NF1: variants seen among roughly 807,000 people sequenced by gnomAD.
NF1 encodes neurofibromin 1.
A neutral mutation model predicts 325.7 loss-of-function variants in NF1; 122 were observed. The ratio of observed to expected loss-of-function variants is 0.37; its 90% confidence interval spans 0.32 to 0.44. The LOEUF is 0.44. Ranked by LOEUF, NF1 falls within the 20% of genes least tolerant of loss-of-function variation. NF1 has a pLI of 1.00. For synonymous variants in NF1, 1,091 were observed against 1,186.0 expected (o/e 0.92, Z 1.65); for missense variants, 2,140 against 3,415.4 (o/e 0.63, Z 9.31).
chr17:31,222,075 TA>T (rs1308252208), intron 15 of NF1, 146 bp downstream of exon 15: 4 of 1,294,098 alleles, frequency 3.1e-6, no homozygotes, highest in Non-Finnish European at 3.9e-6. Context: ...GACTTCAAAT[TA>T]TTAGAATTTC....
chr17:31,200,641 A>G lies in NF1; in HGVS notation c.1062+46A>G, dbSNP rs774530106. The G allele has an allele frequency of 5.1e-6, 8 of 1,573,626 alleles. No homozygotes were observed. The African/African-American group carries it at 8.1e-5, about 16-fold the overall frequency. ...CTACTACAAACTTTAAGAAAATTAA[A>G]TGAATTTTCTAGCATAAGTATTATG... On this transcript the variant is annotated intron_variant, in intron 9 of 57. Transcript: ENST00000358273.
At chr17:31,227,360 A>C in intron 19 of NF1, 69 bp downstream of exon 19, 2 of 1,530,684 alleles carry the variant, frequency 1.3e-6, no homozygotes, top group South Asian at 1.1e-5. Context: ...CTTGTTACAT[A>C]TGTGTGATCA....
intron 1 of NF1, among the ~76,000 whole-genome samples, chr17:31,140,882 T>G (rs977173521): frequency 2.6e-5 from 4 of 152,184 alleles, no homozygotes; most frequent in African/African-American, 9.7e-5. Context: ...CTCACTTATA[T>G]GTGGAATGTT....
chr17:31,164,544 C>G (rs1370449933), intron 4 of NF1, among the ~76,000 whole-genome samples: 1 of 152,214 alleles, frequency 6.6e-6, no homozygotes, highest in Non-Finnish European at 1.5e-5. Context: ...AAACAATCCT[C>G]TTTGTTGGTG....
At position 31,342,929 on chromosome 17, in the gene NF1, A is replaced by G. The variant is rs17884566; in HGVS notation, c.7063-80A>G. ...AAAGGATTACTTATCTTGTCATACT[A>G]TTGAACACAAAATTAAGTGAGCCTT... On this transcript the variant is annotated intron_variant, in intron 47 of 57. Coordinates refer to ENST00000358273, the MANE Select transcript of NF1 (RefSeq NM_001042492.3). The G allele has an allele frequency of 1.9e-3, 2,893 of 1,542,838 alleles. 46 individuals carry two copies. The African/African-American group carries it at 0.033, about 17-fold the overall frequency.
chr17:31,194,814 T>C (rs1281992759), intron 8 of NF1, among the ~76,000 whole-genome samples: 1 of 152,176 alleles, frequency 6.6e-6, no homozygotes, highest in Admixed American at 6.5e-5. Context: ...TTCATTTGTG[T>C]GTGTGAGGTA....
At chr17:31,249,265 G>A in intron 30 of NF1, 146 bp downstream of exon 30, 1 of 1,002,084 alleles carries the variant, frequency 1.0e-6, no homozygotes, top group Non-Finnish European at 1.5e-6. Flanking sequence ...AGAATTGTTG[G>A]AATTGTCTTT....
At chr17:31,263,915 A>G (rs2067738761) in intron 35 of NF1, among the ~76,000 whole-genome samples, 1 of 152,162 alleles carries the variant, frequency 6.6e-6, no homozygotes, top group African/African-American at 2.4e-5. Flanking sequence ...CGTTTGGTGA[A>G]TAGTCTCCCA....
At chr17:31,212,271 G>A (rs530311545) in intron 12 of NF1, among the ~76,000 whole-genome samples, 9 of 152,174 alleles carry the variant, frequency 5.9e-5, no homozygotes, top group Non-Finnish European at 1.3e-4. Context: ...GCTCCCATTG[G>A]AAGGTTTTTA....
At chr17:31,245,242 T>G (rs1283393454) in intron 29 of NF1, among the ~76,000 whole-genome samples, 1 of 152,240 alleles carries the variant, frequency 6.6e-6, no homozygotes, top group Non-Finnish European at 1.5e-5. Flanking sequence ...ATCTTAAGAT[T>G]TGGATTACTG....
At chr17:31,266,181 A>C (rs1567865473) in intron 36 of NF1, among the ~76,000 whole-genome samples, 5 of 152,200 alleles carry the variant, frequency 3.3e-5, no homozygotes, top group Non-Finnish European at 7.3e-5. Flanking sequence ...TCCTGAATTT[A>C]ACAGTATTTA....
intron 8 of NF1, among the ~76,000 whole-genome samples, chr17:31,190,990 T>C (rs758416061): frequency 1.3e-5 from 2 of 152,208 alleles, no homozygotes; most frequent in Non-Finnish European, 2.9e-5. Context: ...TTTTAGAATG[T>C]ATAAGTTTAT....
intron 12 of NF1, among the ~76,000 whole-genome samples, chr17:31,211,813 T>C (rs2066732562): frequency 6.6e-6 from 1 of 152,202 alleles, no homozygotes; most frequent in Admixed American, 6.5e-5. Context: ...GGGTGAGTCA[T>C]TGAGTGAGTG....
At chr17:31,211,186 C>A (rs2066722024) in intron 12 of NF1, among the ~76,000 whole-genome samples, 1 of 152,096 alleles carries the variant, frequency 6.6e-6, no homozygotes, top group Admixed American at 6.5e-5. Flanking sequence ...TCATCTTTGG[C>A]CAGATCACAT....
At chr17:31,185,262 G>A (rs2066217942) in intron 8 of NF1, among the ~76,000 whole-genome samples, 1 of 152,154 alleles carries the variant, frequency 6.6e-6, no homozygotes, top group Admixed American at 6.5e-5. Context: ...GAGGCTGAGA[G>A]TGTGACCCAT....
chr17:31,112,305 C>CATAT (rs1913486356), intron 1 of NF1, among the ~76,000 whole-genome samples: 1 of 152,096 alleles, frequency 6.6e-6, no homozygotes, highest in Non-Finnish European at 1.5e-5. Context: ...ATGGGTGGAT[C>CATAT]ATATGGTGGA....
intron 57 of NF1, 171 bp downstream of exon 57, chr17:31,360,874 T>A (rs1290957003): frequency 3.0e-6 from 2 of 658,656 alleles, no homozygotes; most frequent in Admixed American, 4.7e-5. Flanking sequence ...TATGAAGCTT[T>A]CTACTTTCAA....
chr17:31,260,155 G>A (rs901382557), intron 33 of NF1, among the ~76,000 whole-genome samples: 6 of 152,134 alleles, frequency 3.9e-5, no homozygotes, highest in Admixed American at 3.3e-4. Context: ...TAACTTCAGA[G>A]CCTACTTTGA....
At chr17:31,143,522 C>T (rs897745494) in intron 1 of NF1, among the ~76,000 whole-genome samples, 5 of 152,038 alleles carry the variant, frequency 3.3e-5, no homozygotes, top group African/African-American at 1.2e-4. Context: ...CATCCTTCCT[C>T]AGCCTCCCCA....
Sources: allele counts gnomAD v4.1 joint callset (sites outside exome capture counted in the v4.1 genomes callset), GRCh38; gene constraint gnomAD v4.1.1; transcripts MANE v1.5; gene names NCBI Gene and HGNC (gene_info 2026-07-23, HGNC 2026-07-21).